Variants in ZBTB7C observed in about 807,000 individuals in gnomAD.
ZBTB7C encodes the protein zinc finger and BTB domain-containing protein 7C.
Under a neutral mutation model 25.7 loss-of-function variants are expected in ZBTB7C, and 8 were observed. That is an observed-to-expected ratio of 0.31 (90% CI 0.18 to 0.56). The LOEUF (loss-of-function observed/expected upper bound fraction) is 0.56. Ranked by LOEUF, ZBTB7C falls within the 20% of genes least tolerant of loss-of-function variation. ZBTB7C has a pLI of 0.91. For synonymous variants in ZBTB7C, 394 were observed against 369.0 expected (o/e 1.07, Z -0.78); for missense variants, 824 against 855.2 (o/e 0.96, Z 0.46).
At chr18:48,254,290 T>TC (rs2043958557) in intron 2 of ZBTB7C, among the ~76,000 whole-genome samples, 1 of 152,204 alleles carries the variant, frequency 6.6e-6, no homozygotes, top group African/African-American at 2.4e-5. Flanking sequence ...GGTTCCATCT[T>TC]CCCTTCTCTC....
intron 2 of ZBTB7C, among the ~76,000 whole-genome samples, chr18:48,247,196 T>C (rs1366429819): frequency 1.3e-5 from 2 of 152,336 alleles, no homozygotes; most frequent in African/African-American, 2.4e-5. Context: ...AGAGCATCCA[T>C]ATTTAAATTA....
At chr18:48,366,375 AG>A (rs2047220658) in intron 1 of ZBTB7C, among the ~76,000 whole-genome samples, 1 of 152,254 alleles carries the variant, frequency 6.6e-6, no homozygotes, top group African/African-American at 2.4e-5. Flanking sequence ...TGTAATATTC[AG>A]GTAGGAATGA....
intron 2 of ZBTB7C, among the ~76,000 whole-genome samples, chr18:48,213,004 G>T (rs1457616404): frequency 6.6e-6 from 1 of 152,180 alleles, no homozygotes; most frequent in Non-Finnish European, 1.5e-5. Flanking sequence ...CAAAGGGAAG[G>T]CCTTTCCTCC....
At chr18:48,191,889 T>C (rs1124348) in intron 2 of ZBTB7C, among the ~76,000 whole-genome samples, 11,599 of 152,276 alleles carry the variant, frequency 0.076, 479 homozygotes, top group Middle Eastern at 0.15. Flanking sequence ...AGTTTGGCAG[T>C]TGTATACAAA....
At chr18:48,154,207 G>T (rs1402213695) in intron 3 of ZBTB7C, among the ~76,000 whole-genome samples, 1 of 152,114 alleles carries the variant, frequency 6.6e-6, no homozygotes, top group Non-Finnish European at 1.5e-5. Context: ...GTCAGGAATC[G>T]ATCTGAATGG....
At chr18:48,402,869 T>C (rs1425089115) in intron 1 of ZBTB7C, among the ~76,000 whole-genome samples, 1 of 152,244 alleles carries the variant, frequency 6.6e-6, no homozygotes, top group Non-Finnish European at 1.5e-5. Context: ...ATGAGTCTTA[T>C]TGCTTTAATA....
At chr18:48,271,249 C>T (rs2044477833) in intron 2 of ZBTB7C, among the ~76,000 whole-genome samples, 1 of 151,980 alleles carries the variant, frequency 6.6e-6, no homozygotes, top group African/African-American at 2.4e-5. Flanking sequence ...TTTCATGAGG[C>T]TAGTATAACC....
chr18:48,084,585 T>C (rs2038117916), intron 3 of ZBTB7C, among the ~76,000 whole-genome samples: 1 of 152,108 alleles, frequency 6.6e-6, no homozygotes, highest in African/African-American at 2.4e-5. Context: ...AGTGAGTGAC[T>C]CAGGCAGGCC....
At chr18:48,329,949 G>T (rs72911527) in intron 2 of ZBTB7C, among the ~76,000 whole-genome samples, 20,665 of 152,180 alleles carry the variant, frequency 0.14, 1,637 homozygotes, top group Non-Finnish European at 0.19. Flanking sequence ...TACACTTGCG[G>T]ACAGCAAGGC....
chr18:48,294,976 G>A (rs1056814457), intron 2 of ZBTB7C, among the ~76,000 whole-genome samples: 6 of 152,070 alleles, frequency 3.9e-5, no homozygotes, highest in Non-Finnish European at 8.8e-5. Context: ...GTACACTGGA[G>A]AGAATATTTC....
intron 2 of ZBTB7C, among the ~76,000 whole-genome samples, chr18:48,275,551 T>C (rs960259418): frequency 2.2e-4 from 34 of 152,108 alleles, no homozygotes; most frequent in Non-Finnish European, 3.4e-4. Flanking sequence ...TTGCCCTAAA[T>C]CACAGGGTTC....
intron 2 of ZBTB7C, among the ~76,000 whole-genome samples, chr18:48,292,452 A>C (rs1246304439): frequency 6.6e-6 from 1 of 152,090 alleles, no homozygotes; most frequent in Non-Finnish European, 1.5e-5. Flanking sequence ...TCTGACCTCC[A>C]AGGTGTCCAG....
At chr18:48,406,006 G>C (rs1456412216) in intron 1 of ZBTB7C, among the ~76,000 whole-genome samples, 1 of 152,118 alleles carries the variant, frequency 6.6e-6, no homozygotes, top group East Asian at 1.9e-4. Flanking sequence ...TTTTCTTCCA[G>C]TGGGACACAG....
intron 1 of ZBTB7C, among the ~76,000 whole-genome samples, chr18:48,404,207 G>A (rs897592211): frequency 2.0e-5 from 3 of 152,152 alleles, no homozygotes; most frequent in Admixed American, 6.5e-5. Context: ...AGCCGAGATC[G>A]TGCCGCTGCA....
chr18:48,140,286 CAT>C (rs1327646753), intron 3 of ZBTB7C, among the ~76,000 whole-genome samples: 1 of 152,256 alleles, frequency 6.6e-6, no homozygotes, highest in Non-Finnish European at 1.5e-5. Flanking sequence ...GAGGCAGACA[CAT>C]GTATGAGCTC....
At chr18:48,323,575 T>C (rs1247568292) in intron 2 of ZBTB7C, among the ~76,000 whole-genome samples, 1 of 152,166 alleles carries the variant, frequency 6.6e-6, no homozygotes, top group Non-Finnish European at 1.5e-5. Flanking sequence ...TCCTTTGCAG[T>C]TCTATGACTT....
At position 48,091,238 on chromosome 18, in the gene ZBTB7C, ATT is replaced by A. The variant is rs35051690; in HGVS notation, c.-16-50117_-16-50116del. ...AGGCATGTGCCACTATGCCCGGATA[ATT>A]TTTTTTTTTTTTTTTTTTTTTTTGG... On this transcript the variant is annotated intron_variant, in intron 3 of 4. Transcript: ENST00000590800. Among the ~76,000 whole-genome samples the A allele has an allele frequency of 4.6e-3, 296 of 64,670 alleles. 1 individual carries two copies. The highest frequency in any genetic ancestry group is 0.032 in the South Asian group (46 of 1,434). The allele number at this position is 64,670 out of a possible 152,430, so 42.4% of individuals were successfully genotyped here.
chr18:48,314,301 T>A (rs1336848806), intron 2 of ZBTB7C, among the ~76,000 whole-genome samples: 3 of 152,198 alleles, frequency 2.0e-5, no homozygotes, highest in Non-Finnish European at 4.4e-5. Context: ...TCTACAATGA[T>A]CTTTCCCTCT....
At chr18:48,269,965 C>T (rs1040495790) in intron 2 of ZBTB7C, among the ~76,000 whole-genome samples, 9 of 151,694 alleles carry the variant, frequency 5.9e-5, no homozygotes, top group Non-Finnish European at 1.2e-4. Flanking sequence ...GTTGTTACAA[C>T]GACATAAAAA....
Sources: gnomAD v4.1 joint callset for allele counts (sites outside exome capture counted in the v4.1 genomes callset) on GRCh38, gnomAD v4.1.1 for gene constraint, MANE v1.5 for transcripts, NCBI Gene and HGNC (gene_info 2026-07-23, HGNC 2026-07-21) for gene names.